AGR2: variants seen among roughly 807,000 people sequenced by gnomAD.
AGR2 encodes the protein anterior gradient protein 2 homolog.
A neutral mutation model predicts 25.9 loss-of-function variants in AGR2; 27 were observed. The observed-to-expected ratio is 1.04, with a 90% CI of 0.77 to 1.44. AGR2 has a LOEUF of 1.44. Among genes scored for constraint, AGR2 ranks in the 40% most tolerant of loss-of-function variants. AGR2 has a pLI of 0.00. For missense variants in AGR2, 182 were observed against 200.9 expected, an observed-to-expected ratio of 0.91 and a Z score of 0.57; for synonymous variants, 78 against 72.0, an observed-to-expected ratio of 1.08 and a Z score of -0.42.
chr7:16,794,122 A>G (rs919529517), intron 7 of AGR2, among the ~76,000 whole-genome samples: 2 of 152,192 alleles, frequency 1.3e-5, no homozygotes, highest in African/African-American at 4.8e-5. Context: ...TCTCTTCCCA[A>G]CATGACGTTC....
intron 4 of AGR2, among the ~76,000 whole-genome samples, chr7:16,800,326 C>T (rs748967425): frequency 7.9e-5 from 12 of 152,114 alleles, no homozygotes; most frequent in Non-Finnish European, 1.2e-4. Flanking sequence ...TGGGGTAGGC[C>T]ACTGTGGGCA....
chr7:16,804,206 C>T (rs185385719), intron 1 of AGR2, among the ~76,000 whole-genome samples: 55 of 148,860 alleles, frequency 3.7e-4, no homozygotes, highest in Admixed American at 3.0e-3. Context: ...CCTGCATAAA[C>T]CACCTCAAAA....
At chr7:16,793,696 A>G (rs764440529) in intron 7 of AGR2, among the ~76,000 whole-genome samples, 8 of 152,228 alleles carry the variant, frequency 5.3e-5, no homozygotes, top group Admixed American at 1.3e-4. Context: ...AACTTTATAT[A>G]TACATAATGA....
rs768557861 is a variant in AGR2, at chr7:16,801,252, A to T, written c.204-49T>A. ...AATTTTAATGAGTAAGATTTCACAT[A>T]TATCTAGATGTCACTAGGTGGTGCT... is the stretch of plus-strand genomic sequence containing the variant. On this transcript the variant is annotated intron_variant, in intron 3 of 7. Coordinates refer to ENST00000419304, the MANE Select transcript of AGR2 (RefSeq NM_006408.4). 3 of 1,607,566 alleles carry T rather than the reference A, an allele frequency of 1.9e-6. No individual in the cohort carries two copies. The South Asian group carries it at 3.3e-5, about 18-fold the overall frequency.
intron 6 of AGR2, 104 bp downstream of exon 6, chr7:16,797,527 T>G: frequency 1.1e-6 from 1 of 870,328 alleles, no homozygotes; most frequent in Non-Finnish European, 1.8e-6. Flanking sequence ...AGCTTAGTGA[T>G]GACATTGGCC....
chr7:16,795,239 G>A (rs1476180589), intron 6 of AGR2, among the ~76,000 whole-genome samples: 1 of 151,810 alleles, frequency 6.6e-6, no homozygotes, highest in South Asian at 2.1e-4. Context: ...AGTGCTATTT[G>A]TGGAAAAGGT....
chr7:16,794,937 C>T lies in AGR2; in HGVS notation c.477G>A (p.Leu159=). The change falls in exon 7 of 8, where the codon CTG becomes CTA. Residue 159 remains leucine, a splice_region_variant and synonymous_variant. Transcript: ENST00000419304. ...ATCCGAATTGAAGGTCACACTTACA[C>T]AGAGCTGTATCTGCAGGTTCGTAAG... ...LYAYEPADTA[L]LLDNMKKALK... The T allele has an allele frequency of 1.9e-6, 3 of 1,614,176 alleles. No individual in the cohort carries two copies. The South Asian group carries it at 3.3e-5, about 18-fold the overall frequency.
chr7:16,801,396 G>C lies in AGR2; in HGVS notation c.140-13C>G. ...TGGTCACCCCAACCTAGAATGAAAT[G>C]AATCAGTATATTTGAAGCTTGTATA... On this transcript the variant is annotated splice_polypyrimidine_tract_variant and intron_variant, in intron 2 of 7. Transcript: ENST00000419304. The C allele has an allele frequency of 6.2e-7, 1 of 1,609,752 alleles. No homozygotes were observed. Among genetic ancestry groups the C allele is most frequent in the Non-Finnish European group, 8.5e-7 (1 of 1,176,592 alleles).
At chr7:16,798,726 A>G (rs1253061699) in intron 5 of AGR2, among the ~76,000 whole-genome samples, 1 of 152,208 alleles carries the variant, frequency 6.6e-6, no homozygotes, top group African/African-American at 2.4e-5. Flanking sequence ...AGTGACTAGT[A>G]GCAGGAATAC....
At chr7:16,797,764 A>C in intron 5 of AGR2, 70 bp from the exon 6 acceptor site, 1 of 1,329,846 alleles carries the variant, frequency 7.5e-7, no homozygotes, top group Non-Finnish European at 1.1e-6. Context: ...TGTTAATACA[A>C]GAATCTGTCC....
chr7:16,800,033 A>ATT (rs67666279), intron 4 of AGR2, among the ~76,000 whole-genome samples: 19 of 151,892 alleles, frequency 1.3e-4, no homozygotes, highest in African/African-American at 4.6e-4. Context: ...TCATCAATTC[A>ATT]TTTTTTTCTC....
intron 1 of AGR2, 26 bp from the exon 2 acceptor site, chr7:16,801,829 A>C: frequency 6.3e-7 from 1 of 1,591,378 alleles, no homozygotes; most frequent in South Asian, 1.1e-5. Context: ...AACCAAAATC[A>C]GTAAACAAAA....
chr7:16,799,915 T>C, intron 4 of AGR2, 98 bp from the exon 5 acceptor site: 2 of 833,978 alleles, frequency 2.4e-6, no homozygotes, highest in Non-Finnish European at 3.8e-6. Context: ...CTTATTGAAT[T>C]GCATTTTAAA....
chr7:16,800,058 T>C (rs979526469), intron 4 of AGR2, among the ~76,000 whole-genome samples: 2 of 152,250 alleles, frequency 1.3e-5, no homozygotes, highest in Non-Finnish European at 2.9e-5. Flanking sequence ...TCATATTTAT[T>C]GAATGGCTGC....
chr7:16,795,318 G>GTTT (rs76582218), intron 6 of AGR2, among the ~76,000 whole-genome samples: 72 of 139,192 alleles, frequency 5.2e-4, no homozygotes, highest in African/African-American at 1.8e-3. Flanking sequence ...GTGACATGGT[G>GTTT]TTTTTTTTTT....
rs1351732428 is a variant in AGR2 at position 16,801,647 on chromosome 7, C to G, written c.139+11G>C. On this transcript the variant is annotated intron_variant, in intron 2 of 7. Coordinates refer to ENST00000419304, the MANE Select transcript of AGR2 (RefSeq NM_006408.4). ...GTAGCAGTTGGAAGCCAACAAGAAG[C>G]TGACTCCTACCTCTGGAGAGGGTCT... 1.5e-5 allele frequency: 24 copies of G among 1,613,764 alleles called. No homozygotes were observed. The highest frequency in any genetic ancestry group is 1.9e-5 in the Non-Finnish European group (23 of 1,179,968).
intron 6 of AGR2, among the ~76,000 whole-genome samples, chr7:16,796,810 G>C (rs1003633257): frequency 6.6e-6 from 1 of 152,202 alleles, no homozygotes; most frequent in African/African-American, 2.4e-5. Context: ...ATGATGATTG[G>C]GGAGTTAATG....
chr7:16,797,220 G>A (rs1460027886), intron 6 of AGR2, among the ~76,000 whole-genome samples: 4 of 152,082 alleles, frequency 2.6e-5, no homozygotes, highest in Non-Finnish European at 5.9e-5. Flanking sequence ...GAGCCACCCA[G>A]CCTTATTCCT....
chr7:16,799,787 T>A lies in AGR2; in HGVS notation c.287A>T (p.Glu96Val), dbSNP rs193271402. ...ALKKVFAENKEIQKLAEQFVL... is the reference protein window; with the variant it reads ...ALKKVFAENKVIQKLAEQFVL... ...AAACTGCTCTGCCAATTTCTGGATT[T>A]CTTTATTTTCAGCAAACACTTTCTT... The change falls in exon 5 of 8, where the codon GAA (glutamate) becomes GTA (valine). Residue 96 changes from glutamate (E) to valine (V), a missense_variant. By Grantham distance (121) the Glu-to-Val change is moderately radical. Coordinates refer to ENST00000419304, the MANE Select transcript of AGR2 (RefSeq NM_006408.4). 2.4e-5 allele frequency: 39 copies of A among 1,613,384 alleles called. No homozygotes were observed. The highest frequency in any genetic ancestry group is 3.3e-5 in the Non-Finnish European group (39 of 1,179,588).
Sources: gnomAD v4.1 joint callset for allele counts (sites outside exome capture counted in the v4.1 genomes callset) on GRCh38, gnomAD v4.1.1 for gene constraint, MANE v1.5 for transcripts, NCBI Gene and HGNC (gene_info 2026-07-23, HGNC 2026-07-21) for gene names.